Variants in SV2C observed in about 807,000 individuals in gnomAD.
SV2C encodes the protein synaptic vesicle glycoprotein 2C.
Under a neutral mutation model 79.7 loss-of-function variants are expected in SV2C, and 49 were observed. That is an observed-to-expected ratio of 0.61 (90% CI 0.49 to 0.78). The LOEUF (loss-of-function observed/expected upper bound fraction) is 0.78. Ranked by LOEUF, SV2C falls within the 30% of genes least tolerant of loss-of-function variation. The probability of loss-of-function intolerance (pLI) is 0.00; values close to 1 mark genes in which losing one functional copy is unlikely to be tolerated. For synonymous variants in SV2C, 334 were observed against 333.2 expected (o/e 1.00, Z -0.03); for missense variants, 833 against 912.9 (o/e 0.91, Z 1.13).
At chr5:76,233,713 T>C (rs972482351) in intron 4 of SV2C, among the ~76,000 whole-genome samples, 1 of 151,360 alleles carries the variant, frequency 6.6e-6, no homozygotes, top group Admixed American at 6.5e-5. Context: ...GGTTTTTGTC[T>C]TTGGCTCTGT....
At chr5:75,954,432 A>G in the SV2C span, among the ~76,000 whole-genome samples, 2 of 152,030 alleles carry the variant, frequency 1.3e-5, no homozygotes, top group African/African-American at 2.4e-5. Context: ...TTTTTAGCCA[A>G]TACCACACTG....
chr5:76,225,902 C>T (rs1163503824), intron 4 of SV2C, among the ~76,000 whole-genome samples: 1 of 152,134 alleles, frequency 6.6e-6, no homozygotes, highest in African/African-American at 2.4e-5. Context: ...ATTGGGCATC[C>T]GTCTGTGCCT....
chr5:76,311,127 A>AGAT (rs1246826267), intron 12 of SV2C: 1 of 152,278 alleles, frequency 6.6e-6, no homozygotes, highest in Non-Finnish European at 1.5e-5. Flanking sequence ...GGTAGAGGCA[A>AGAT]GATATCAGAA....
intron 3 of SV2C, among the ~76,000 whole-genome samples, chr5:76,204,283 T>C (rs575296576): frequency 6.6e-6 from 1 of 152,334 alleles, no homozygotes; most frequent in Non-Finnish European, 1.5e-5. Flanking sequence ...TAAAAGAATA[T>C]TTTTCATGCA....
At chr5:76,022,527 A>G in the SV2C span, among the ~76,000 whole-genome samples, 2 of 152,330 alleles carry the variant, frequency 1.3e-5, 1 homozygote, top group Middle Eastern at 6.8e-3. Context: ...TTCCTTCAGA[A>G]GGCAAAGGCA....
At chr5:75,917,599 G>T in the SV2C span, among the ~76,000 whole-genome samples, 1 of 151,996 alleles carries the variant, frequency 6.6e-6, no homozygotes, top group Non-Finnish European at 1.5e-5. Context: ...CATTTATTTT[G>T]GAGATATAAA....
the SV2C span, among the ~76,000 whole-genome samples, chr5:75,996,893 G>A: frequency 0.41 from 42,693 of 103,934 alleles, 10,382 homozygotes; most frequent in Middle Eastern, 0.68. Context: ...GGCTGAGACA[G>A]TGGGGTTTTC....
chr5:76,067,195 T>C, the SV2C span, among the ~76,000 whole-genome samples: 3 of 152,178 alleles, frequency 2.0e-5, no homozygotes, highest in East Asian at 1.9e-4. Context: ...TCATTTATAG[T>C]TCCTCCTTGG....
the SV2C span, among the ~76,000 whole-genome samples, chr5:75,924,785 A>G: frequency 1.8e-3 from 278 of 151,862 alleles, no homozygotes; most frequent in Non-Finnish European, 3.0e-3. Flanking sequence ...AAATGAGTAA[A>G]GAAGTTTGAT....
downstream of SV2C, among the ~76,000 whole-genome samples, chr5:76,334,716 C>T (rs1749278294): frequency 6.6e-6 from 1 of 152,190 alleles, no homozygotes; most frequent in African/African-American, 2.4e-5. Flanking sequence ...CGGAATCCTC[C>T]AGCAGACTCC....
At chr5:75,884,920 GATAAA>G in the SV2C span, among the ~76,000 whole-genome samples, 6 of 152,062 alleles carry the variant, frequency 3.9e-5, no homozygotes, top group Admixed American at 1.3e-4. Flanking sequence ...AATTAATAAT[GATAAA>G]ATAAACCTTT....
rs60557642 is a variant in SV2C at position 76,241,182 on chromosome 5, CTT to C, written c.913+31311_913+31312del. Among the ~76,000 whole-genome samples the C allele has an allele frequency of 2.0e-3, 279 of 137,032 alleles. 1 individual carries two copies. The highest frequency in any genetic ancestry group is 6.7e-3 in the Admixed American group (92 of 13,788). The allele number at this position is 137,032 out of a possible 152,430, so 89.9% of individuals were successfully genotyped here. On this transcript the variant is annotated intron_variant, in intron 4 of 12. Coordinates refer to ENST00000502798, the MANE Select transcript of SV2C (RefSeq NM_014979.4). ...ATGTTGTCCAGGATGGTCTCAATCT[CTT>C]TTTTTTTTTTTTTTTCCCAAGCCAA...
At chr5:76,260,905 A>C (rs964428038) in intron 4 of SV2C, among the ~76,000 whole-genome samples, 1 of 152,162 alleles carries the variant, frequency 6.6e-6, no homozygotes, top group Non-Finnish European at 1.5e-5. Context: ...CTTTTTGCTT[A>C]GGATTGTCTT....
At chr5:76,081,223 A>G (rs1274726225), upstream of SV2C, among the ~76,000 whole-genome samples, 1 of 152,232 alleles carries the variant, frequency 6.6e-6, no homozygotes, top group Non-Finnish European at 1.5e-5. Context: ...TAGCATAAAG[A>G]ACGTTGATCA....
chr5:76,207,144 C>T lies in SV2C; in HGVS notation c.762-2592C>T, dbSNP rs117100520. 6.6e-4 allele frequency among the ~76,000 whole-genome samples: 98 copies of T among 148,974 alleles called. 2 individuals carry two copies. The East Asian group carries it at 0.019, about 29-fold the overall frequency. On this transcript the variant is annotated intron_variant, in intron 3 of 12. Transcript: ENST00000502798. ...TAACAGGCAAATCTACAGTCTTCCA[C>T]TTGAAATTATAGCCACACTGCAAAA...
chr5:76,114,730 T>C (rs2112147216), intron 1 of SV2C, among the ~76,000 whole-genome samples: 1 of 152,358 alleles, frequency 6.6e-6, no homozygotes, highest in Admixed American at 6.5e-5. Context: ...GAGCCTTTTC[T>C]GAAATAGTGT....
chr5:76,175,620 C>T (rs193151227), intron 2 of SV2C, among the ~76,000 whole-genome samples: 3 of 152,164 alleles, frequency 2.0e-5, no homozygotes, highest in East Asian at 1.9e-4. Context: ...ACTTTTAACA[C>T]GAATCCTGAG....
At chr5:76,146,795 TTTAAAAA>T (rs1749441029) in intron 2 of SV2C, among the ~76,000 whole-genome samples, 1 of 76,520 alleles carries the variant, frequency 1.3e-5, no homozygotes, top group Non-Finnish European at 2.5e-5. Context: ...TGAGTTTTTT[TTTAAAAA>T]AAAAAAAAAA....
At chr5:75,989,970 C>T in the SV2C span, among the ~76,000 whole-genome samples, 45 of 100,380 alleles carry the variant, frequency 4.5e-4, no homozygotes, top group South Asian at 0.014. Flanking sequence ...CCTTGGCCCC[C>T]TTTTTAATGG....
Sources: gnomAD v4.1 joint callset for allele counts (sites outside exome capture counted in the v4.1 genomes callset) on GRCh38, gnomAD v4.1.1 for gene constraint, MANE v1.5 for transcripts, NCBI Gene and HGNC (gene_info 2026-07-23, HGNC 2026-07-21) for gene names.